PRKCE: variants seen among roughly 807,000 people sequenced by gnomAD.
The protein encoded by PRKCE is protein kinase C epsilon.
PRKCE carries 16 observed loss-of-function variants against 85.4 expected under a neutral mutation model. That is an observed-to-expected ratio of 0.19 (90% CI 0.13 to 0.28). The LOEUF is 0.28. Ranked by LOEUF, PRKCE falls within the 10% of genes least tolerant of loss-of-function variation. PRKCE has a pLI of 1.00. For missense variants in PRKCE, 573 were observed against 975.2 expected (o/e 0.59, Z 5.49); for synonymous variants, 388 against 371.5 (o/e 1.04, Z -0.51).
intron 2 of PRKCE, 69 bp downstream of exon 2, chr2:45,843,132 C>CG (rs921424089): frequency 4.4e-6 from 6 of 1,360,226 alleles, no homozygotes; most frequent in Non-Finnish European, 6.3e-6. Flanking sequence ...CTCTTCTTTC[C>CG]CCCCCTTGGC....
intron 11 of PRKCE, among the ~76,000 whole-genome samples, chr2:46,113,155 C>T (rs1672433115): frequency 6.6e-6 from 1 of 152,126 alleles, no homozygotes; most frequent in Admixed American, 6.5e-5. Flanking sequence ...TTAGACACCC[C>T]AATTCTATCA....
In PRKCE at chr2:45,912,082, C is replaced by A. The variant is rs375252279; in HGVS notation, c.413-64347C>A. The stretch of plus-strand genomic sequence containing the variant: ...GAGTTTCAGGGTCTTTCTCTTTCCC[C>A]AGTTCTTCTAGTGTAGCAGTCATAG... On this transcript the variant is annotated intron_variant, in intron 2 of 14. Transcript: ENST00000306156. Among the ~76,000 whole-genome samples the A allele has an allele frequency of 1.2e-4, 19 of 152,212 alleles. 1 individual carries two copies. Among genetic ancestry groups the A allele is most frequent in the African/African-American group, 4.6e-4 (19 of 41,544 alleles).
chr2:46,118,948 T>C (rs1352622836), intron 11 of PRKCE, among the ~76,000 whole-genome samples: 1 of 152,162 alleles, frequency 6.6e-6, no homozygotes, highest in Non-Finnish European at 1.5e-5. Context: ...AAGTTCCATC[T>C]TAGGATGCTG....
At chr2:45,804,717 T>A (rs1426947795) in intron 1 of PRKCE, among the ~76,000 whole-genome samples, 1 of 152,152 alleles carries the variant, frequency 6.6e-6, no homozygotes, top group African/African-American at 2.4e-5. Context: ...TGCTGTTCGT[T>A]CTCCCCAGTC....
chr2:45,668,210 G>T (rs796169391), intron 1 of PRKCE, among the ~76,000 whole-genome samples: 16 of 152,212 alleles, frequency 1.1e-4, no homozygotes, highest in African/African-American at 3.9e-4. Flanking sequence ...GGATGGTGGT[G>T]AGCGCCTGTA....
intron 3 of PRKCE, among the ~76,000 whole-genome samples, chr2:45,977,923 G>C (rs1434208554): frequency 6.6e-6 from 1 of 152,140 alleles, no homozygotes; most frequent in African/African-American, 2.4e-5. Context: ...GGGAGAGCGA[G>C]TGAGGCCAGG....
Position 45,830,673 on chromosome 2 carries a change from T to C in PRKCE, c.349-12327T>C, listed in dbSNP as rs189935669. Among the ~76,000 whole-genome samples, 17 of 59,612 alleles carry C rather than the reference T, an allele frequency of 2.9e-4. No individual in the cohort carries two copies. In the East Asian group the frequency reaches 5.6e-3, roughly 20 times the overall value. The allele number at this position is 59,612 out of a possible 152,430, so 39.1% of individuals were successfully genotyped here. ...CACCCTGAGACATATCACTGTGGCA[T>C]TTTAGAATACTAGGATAAAGAAGAC... On this transcript the variant is annotated intron_variant, in intron 1 of 14. Coordinates refer to ENST00000306156, the MANE Select transcript of PRKCE (RefSeq NM_005400.3).
intron 2 of PRKCE, among the ~76,000 whole-genome samples, chr2:45,937,542 C>T (rs1181862570): frequency 6.6e-6 from 1 of 152,132 alleles, no homozygotes; most frequent in Admixed American, 6.6e-5. Flanking sequence ...GAAACCCCAT[C>T]TCCACTAAAA....
rs1265502299 is a variant in PRKCE at position 45,761,233 on chromosome 2, A to G, written c.349-81767A>G. Among the ~76,000 whole-genome samples the G allele has an allele frequency of 4.1e-5, 6 of 146,206 alleles. No homozygotes were observed. The Admixed American group carries it at 4.3e-4, about 10-fold the overall frequency. Reference sequence around the variant, plus strand: ...TCTCAGCTACTCGGGAGGCTGAGGCAGGAGAATGGCGTGAACCCGGGAGGC... The same window carrying G: ...TCTCAGCTACTCGGGAGGCTGAGGCGGGAGAATGGCGTGAACCCGGGAGGC... On this transcript the variant is annotated intron_variant, in intron 1 of 14. Coordinates refer to ENST00000306156, the MANE Select transcript of PRKCE (RefSeq NM_005400.3).
chr2:45,962,664 C>T (rs546638984), intron 2 of PRKCE, among the ~76,000 whole-genome samples: 31 of 152,284 alleles, frequency 2.0e-4, no homozygotes, highest in African/African-American at 7.5e-4. Flanking sequence ...TAGAAGACAG[C>T]TCCGGGGGAG....
intron 5 of PRKCE, among the ~76,000 whole-genome samples, chr2:45,983,861 C>T (rs908910020): frequency 1.3e-5 from 2 of 152,056 alleles, no homozygotes; most frequent in Non-Finnish European, 2.9e-5. Context: ...CACAGAATCC[C>T]GTGTCCACCA....
intron 11 of PRKCE, among the ~76,000 whole-genome samples, chr2:46,098,321 C>G (rs567602858): frequency 6.6e-6 from 1 of 150,468 alleles, no homozygotes; most frequent in Non-Finnish European, 1.5e-5. Context: ...GGTTATTACT[C>G]CCCCCCCAAC....
rs560770536 is a variant in PRKCE at position 45,714,457 on chromosome 2, A to G, written c.348+62009A>G. Among the ~76,000 whole-genome samples, 128 of 152,388 alleles carry G rather than the reference A, an allele frequency of 8.4e-4. 1 individual carries two copies. Among genetic ancestry groups the G allele is most frequent in the African/African-American group, 2.9e-3 (120 of 41,592 alleles). On this transcript the variant is annotated intron_variant, in intron 1 of 14. Coordinates refer to ENST00000306156, the MANE Select transcript of PRKCE (RefSeq NM_005400.3). ...TGCAGAGGCCATGAGGTGGGAAAAG[A>G]ACTTGATGTGCTCAAGGTCAAAAAG...
chr2:46,002,873 T>C (rs889761468), intron 7 of PRKCE, among the ~76,000 whole-genome samples: 3 of 152,250 alleles, frequency 2.0e-5, no homozygotes, highest in African/African-American at 7.2e-5. Context: ...TGGTTTTTAT[T>C]CTTGTCTAGA....
intron 10 of PRKCE, among the ~76,000 whole-genome samples, chr2:46,049,401 T>C (rs561281939): frequency 5.3e-5 from 8 of 152,312 alleles, no homozygotes; most frequent in South Asian, 2.1e-4. Context: ...TAAGCTTCTA[T>C]TGACTTAAAG....
chr2:45,932,312 C>T (rs1195752278), intron 2 of PRKCE, among the ~76,000 whole-genome samples: 1 of 152,202 alleles, frequency 6.6e-6, no homozygotes, highest in Admixed American at 6.5e-5. Flanking sequence ...CGTTCTATAA[C>T]TGATGGACAT....
At chr2:45,958,812 ATATATTTTTTTTTTTTTTTTTTTTTT>A (rs1701175990) in intron 2 of PRKCE, among the ~76,000 whole-genome samples, 1 of 26,806 alleles carries the variant, frequency 3.7e-5, no homozygotes, top group Non-Finnish European at 6.3e-5. Context: ...ATATATATAT[ATATATTTTTTTTTTTTTTTTTTTTTT>A]TTTTTTTTTT....
chr2:45,737,880 G>A (rs549166274), intron 1 of PRKCE, among the ~76,000 whole-genome samples: 43 of 152,102 alleles, frequency 2.8e-4, no homozygotes, highest in Non-Finnish European at 5.6e-4. Context: ...ACAAAACCAG[G>A]AACAAATTTA....
At chr2:45,859,923 A>G (rs1262783517) in intron 2 of PRKCE, among the ~76,000 whole-genome samples, 1 of 152,204 alleles carries the variant, frequency 6.6e-6, no homozygotes, top group African/African-American at 2.4e-5. Context: ...GTGAAGCACC[A>G]CACACTTGTA....
Sources: allele counts gnomAD v4.1 joint callset (sites outside exome capture counted in the v4.1 genomes callset), GRCh38; gene constraint gnomAD v4.1.1; transcripts MANE v1.5; gene names NCBI Gene and HGNC (gene_info 2026-07-23, HGNC 2026-07-21).